Variants in SP1 observed in about 807,000 individuals in gnomAD.
SP1 encodes Sp1 transcription factor.
SP1 carries 6 observed loss-of-function variants against 66.3 expected under a neutral mutation model. That is an observed-to-expected ratio of 0.09 (90% CI 0.05 to 0.18). The LOEUF is 0.18. Ranked by LOEUF, SP1 falls within the 10% of genes least tolerant of loss-of-function variation. The probability of loss-of-function intolerance (pLI) is 1.00; values close to 1 mark genes in which losing one functional copy is unlikely to be tolerated. For missense variants in SP1, 848 were observed against 964.5 expected (o/e 0.88, Z 1.60); for synonymous variants, 417 against 360.8 (o/e 1.16, Z -1.77).
chr12:53,415,437 T>C lies in SP1; in HGVS notation c.*4197T>C, dbSNP rs1938976300. The C allele has an allele frequency of 6.6e-6, 1 of 152,262 alleles. No homozygotes were observed. The highest frequency in any genetic ancestry group is 2.4e-5 in the African/African-American group (1 of 41,360). 9.4% of individuals were successfully genotyped at this position (152,262 alleles called of 1,614,324 possible). A position where few individuals can be genotyped will look rare whatever the true frequency, so the allele number is the denominator to read the frequency against. On this transcript the variant is annotated 3_prime_UTR_variant, in exon 6 of 6. Transcript: ENST00000327443. ...AGGAAAAGAAGGGGGGTCTCTGGCT[T>C]TATTACTCCCCTAAGTCTTTACTCT...
chr12:53,409,954 G>T (rs1392053651), intron 5 of SP1, among the ~76,000 whole-genome samples: 1 of 152,006 alleles, frequency 6.6e-6, no homozygotes, highest in Non-Finnish European at 1.5e-5. Flanking sequence ...AGCTTGCAAT[G>T]AGCCAAGATC....
chr12:53,399,439 T>C (rs1380797318), intron 3 of SP1, among the ~76,000 whole-genome samples: 1 of 150,972 alleles, frequency 6.6e-6, no homozygotes. Context: ...GTTCACGCCA[T>C]TCTTCTGTCA....
intron 3 of SP1, among the ~76,000 whole-genome samples, chr12:53,390,838 A>G (rs1351161589): frequency 6.6e-6 from 1 of 152,166 alleles, no homozygotes; most frequent in African/African-American, 2.4e-5. Flanking sequence ...TAATGGGGCC[A>G]TTTTAGTTCT....
Position 53,406,578 on chromosome 12 carries a change from A to G in SP1, c.1676-7A>G. The G allele has an allele frequency of 6.2e-7, 1 of 1,613,156 alleles. No homozygotes were observed. Among genetic ancestry groups the G allele is most frequent in the Non-Finnish European group, 8.5e-7 (1 of 1,179,348 alleles). On this transcript the variant is annotated splice_region_variant and splice_polypyrimidine_tract_variant and intron_variant, in intron 3 of 5. Transcript: ENST00000327443. ...CACATGTTGACCCTTTTCTCTCTTA[A>G]TTTCAGGTGATCATGGAGCTCAGCT...
At chr12:53,402,517 C>T (rs1026620613) in intron 3 of SP1, among the ~76,000 whole-genome samples, 6 of 151,996 alleles carry the variant, frequency 3.9e-5, no homozygotes, top group East Asian at 3.9e-4. Context: ...CCGTTGCGCC[C>T]GGCCTGGACT....
At position 53,416,360 on chromosome 12, in the gene SP1, T is replaced by G. The variant is rs1319375662; in HGVS notation, c.*5120T>G. 1 of 152,142 alleles carries G rather than the reference T, an allele frequency of 6.6e-6. No individual in the cohort carries two copies. The highest frequency in any genetic ancestry group is 1.5e-5 in the Non-Finnish European group (1 of 67,942). 9.4% of individuals were successfully genotyped at this position (152,142 alleles called of 1,614,324 possible). ...TTGGTGTTTTGGGACTTTTTTTTTT[T>G]TTTTTTTGGCCTTTTGTACAAAGAT... is the stretch of plus-strand genomic sequence containing the variant. On this transcript the variant is annotated 3_prime_UTR_variant, in exon 6 of 6. Transcript: ENST00000327443.
In SP1 at chr12:53,382,740, A is replaced by T. The variant is rs1396907733; in HGVS notation, c.793A>T (p.Thr265Ser). Residue 265 changes from threonine (T) to serine (S), a missense_variant, in exon 3 of 6, where the codon ACC becomes TCC. Coordinates refer to ENST00000327443, the MANE Select transcript of SP1 (RefSeq NM_138473.3). ...NVPVALNGNI[T>S]LLPVNSVSAA... ...ACCAGTGGCCCTGAATGGGAACATCACCTTGCTACCTGTCAACAGCGTTTC... is the reference window on the plus strand; with the variant it reads ...ACCAGTGGCCCTGAATGGGAACATCTCCTTGCTACCTGTCAACAGCGTTTC... 1 of 1,614,098 alleles carries T rather than the reference A, an allele frequency of 6.2e-7. No individual in the cohort carries two copies.
chr12:53,391,344 G>GT (rs1938345899), intron 3 of SP1, among the ~76,000 whole-genome samples: 3 of 106,440 alleles, frequency 2.8e-5, no homozygotes, highest in African/African-American at 6.9e-5. Context: ...TTTAAGTAAT[G>GT]TCTTTTTTTT....
intron 3 of SP1, among the ~76,000 whole-genome samples, chr12:53,389,173 G>GT (rs1938294939): frequency 6.7e-6 from 1 of 149,932 alleles, no homozygotes; most frequent in Non-Finnish European, 1.5e-5. Context: ...AGCTTCCATG[G>GT]TGTTCACTTA....
intron 1 of SP1, chr12:53,380,532 G>A: frequency 6.8e-6 from 4 of 587,894 alleles, no homozygotes; most frequent in Non-Finnish European, 7.0e-6. Flanking sequence ...GGCCTCGCCC[G>A]CCCCCTGCCC....
intron 3 of SP1, among the ~76,000 whole-genome samples, chr12:53,392,335 C>G (rs1381114163): frequency 6.8e-6 from 1 of 147,618 alleles, no homozygotes; most frequent in East Asian, 2.0e-4. Flanking sequence ...AGCCCACAGC[C>G]ACACCTGGCT....
chr12:53,409,567 C>T lies in SP1; in HGVS notation c.2044+6C>T. The T allele has an allele frequency of 6.2e-7, 1 of 1,611,572 alleles. No individual in the cohort carries two copies. Among genetic ancestry groups the T allele is most frequent in the Non-Finnish European group, 8.5e-7 (1 of 1,177,792 alleles). On this transcript the variant is annotated splice_donor_region_variant and intron_variant, in intron 5 of 5. Coordinates refer to ENST00000327443, the MANE Select transcript of SP1 (RefSeq NM_138473.3). Reference sequence around the variant, plus strand: ...GCACAAACGTACACACACAGGTGAGCAAGAGCCTATGGGAGAGAAAAATAG... The same window carrying T: ...GCACAAACGTACACACACAGGTGAGTAAGAGCCTATGGGAGAGAAAAATAG...
intron 3 of SP1, among the ~76,000 whole-genome samples, chr12:53,387,187 G>A (rs1471713451): frequency 6.6e-6 from 1 of 151,524 alleles, no homozygotes; most frequent in Non-Finnish European, 1.5e-5. Context: ...TCCTGACCTC[G>A]TGATCCGCCC....
Position 53,382,925 on chromosome 12 carries a change from C to T in SP1, c.978C>T (p.Ser326=). The T allele has an allele frequency of 1.2e-6, 2 of 1,614,152 alleles. No individual in the cohort carries two copies. Among genetic ancestry groups the T allele is most frequent in the East Asian group, 2.2e-5 (1 of 44,890 alleles). ...SSSSFFTNAN[S]YSTTTTTSNM... is the part of the protein sequence containing the mutation. Reference sequence around the variant, plus strand: ...GCTCCTTTTTCACCAATGCCAATAGCTACTCAACTACTACTACCACCAGCA... The same window carrying T: ...GCTCCTTTTTCACCAATGCCAATAGTTACTCAACTACTACTACCACCAGCA... The change falls in exon 3 of 6, where the codon AGC becomes AGT. Residue 326 remains serine, a synonymous_variant. Transcript: ENST00000327443.
At chr12:53,404,613 A>T (rs11170539) in intron 3 of SP1, among the ~76,000 whole-genome samples, 7 of 152,134 alleles carry the variant, frequency 4.6e-5, no homozygotes, top group Non-Finnish European at 1.0e-4. Context: ...GAAAATGTCA[A>T]ATGTGACCAA....
At chr12:53,380,353 G>C in intron 1 of SP1, 55 bp downstream of exon 1, 3 of 1,411,586 alleles carry the variant, frequency 2.1e-6, no homozygotes, top group Non-Finnish European at 2.8e-6. Flanking sequence ...GGGGGCGCGC[G>C]CGAGGGCCGA....
chr12:53,391,191 T>A (rs1938342865), intron 3 of SP1, among the ~76,000 whole-genome samples: 1 of 152,148 alleles, frequency 6.6e-6, no homozygotes, highest in African/African-American at 2.4e-5. Context: ...TATCCTTTTC[T>A]TTAACATTTA....
intron 3 of SP1, among the ~76,000 whole-genome samples, chr12:53,404,022 T>A (rs1938670851): frequency 6.7e-6 from 1 of 150,046 alleles, no homozygotes; most frequent in African/African-American, 2.5e-5. Context: ...ATACAAAAAG[T>A]TAGCCGGGCG....
chr12:53,383,027 T>G lies in SP1; in HGVS notation c.1080T>G (p.Ser360Arg). The G allele has an allele frequency of 6.2e-7, 1 of 1,614,184 alleles. No homozygotes were observed. The highest frequency in any genetic ancestry group is 1.1e-5 in the South Asian group (1 of 91,082). Residue 360 changes from serine (S) to arginine (R), a missense_variant, in exon 3 of 6, where the codon AGT becomes AGG. By Grantham distance (110) the Ser-to-Arg change is moderately radical. This residue lies in a region of SP1 where 606 missense variants were observed against 589.9 expected (regional missense o/e 1.03). Transcript: ENST00000327443. Reference sequence around the variant, plus strand: ...AAGGCCAGACACCCCAGAGGGTCAGTGGGCTACAGGGGTCTGATGCTCTGA... The same window carrying G: ...AAGGCCAGACACCCCAGAGGGTCAGGGGGCTACAGGGGTCTGATGCTCTGA... ...NSQGQTPQRV[S>R]GLQGSDALNI... is the part of the protein sequence containing the mutation.
Sources: gnomAD v4.1 joint callset for allele counts (sites outside exome capture counted in the v4.1 genomes callset) on GRCh38, gnomAD v4.1.1 for gene constraint, gnomAD v4.1.1 regional missense constraint, MANE v1.5 for transcripts, NCBI Gene and HGNC (gene_info 2026-07-23, HGNC 2026-07-21) for gene names.